NBPF11: variants seen among roughly 807,000 people sequenced by gnomAD.
The protein encoded by NBPF11 is NBPF family member NBPF11.
A neutral mutation model predicts 93.9 loss-of-function variants in NBPF11; 72 were observed. The observed-to-expected ratio is 0.77, with a 90% CI of 0.63 to 0.93. The LOEUF is 0.93. Among genes scored for constraint, NBPF11 ranks in the 40% least tolerant of loss-of-function variants. The probability of loss-of-function intolerance (pLI) is 0.00; values close to 1 mark genes in which losing one functional copy is unlikely to be tolerated. For synonymous variants in NBPF11, 224 were observed against 304.9 expected (o/e 0.73, Z 2.76); for missense variants, 705 against 802.2 (o/e 0.88, Z 1.46).
rs1369547147 is a variant in NBPF11 at position 148,108,608 on chromosome 1, C to T, written c.1900G>A (p.Asp634Asn). The T allele has an allele frequency of 4.6e-6, 7 of 1,511,154 alleles. No individual in the cohort carries two copies. In the East Asian group the frequency reaches 6.8e-5, roughly 15 times the overall value. 93.6% of individuals were successfully genotyped at this position (1,511,154 alleles called of 1,614,324 possible). A position where few individuals can be genotyped will look rare whatever the true frequency, so the allele number is the denominator to read the frequency against. The change falls in exon 18 of 24, where the codon GAC (aspartate) becomes AAC (asparagine). Residue 634 changes from aspartate to asparagine, a missense_variant. By Grantham distance (23) the Asp-to-Asn change is conservative. Transcript: ENST00000682118. ...GTTGAATAACATCTATCCAGTGAGT[C>T]CTGCAAGACTTCAGGCTCTTTCTCA... ...LDEKEPEVLQ[D>N]SLDRCYSTPS... is the part of the protein sequence containing the mutation.
intron 7 of NBPF11, 95 bp from the exon 8 acceptor site, chr1:148,122,896 G>A (rs1668208731): frequency 1.2e-6 from 2 of 1,601,618 alleles, no homozygotes; most frequent in Non-Finnish European, 8.5e-7. Flanking sequence ...ATCTATGTAT[G>A]GTTCAGCATT....
chr1:148,119,604 A>T (rs1667358709), intron 10 of NBPF11, among the ~76,000 whole-genome samples: 1 of 151,814 alleles, frequency 6.6e-6, no homozygotes, highest in Non-Finnish European at 1.5e-5. Context: ...TGCCCCAGGA[A>T]GCAGGACTTC....
chr1:148,112,862 G>A (rs1293874323), intron 15 of NBPF11, among the ~76,000 whole-genome samples: 1 of 150,730 alleles, frequency 6.6e-6, no homozygotes, highest in South Asian at 2.1e-4. Flanking sequence ...TTCATATCCA[G>A]CCAAACAAAG....
intron 4 of NBPF11, among the ~76,000 whole-genome samples, chr1:148,131,158 A>T (rs1246875513): frequency 1.4e-5 from 2 of 147,550 alleles, no homozygotes; most frequent in African/African-American, 5.2e-5. Flanking sequence ...AAATATTAAG[A>T]GGAAAAAAAA....
Position 148,136,975 on chromosome 1 carries a change from G to A in NBPF11, c.-178+736C>T, listed in dbSNP as rs1391443374. 3.3e-5 allele frequency among the ~76,000 whole-genome samples: 5 copies of A among 151,824 alleles called. No individual in the cohort carries two copies. The East Asian group carries it at 9.7e-4, about 29-fold the overall frequency. On this transcript the variant is annotated intron_variant, in intron 3 of 23. Coordinates refer to ENST00000682118, the MANE Select transcript of NBPF11 (RefSeq NM_001385469.3). ...GACATGAAATCTGGAAACCTCAGGG[G>A]AGAGGGTAAATGCACTTTGCAGATG...
At chr1:148,125,295 T>C (rs1668846264) in intron 5 of NBPF11, among the ~76,000 whole-genome samples, 1 of 151,894 alleles carries the variant, frequency 6.6e-6, no homozygotes, top group Non-Finnish European at 1.5e-5. Flanking sequence ...TGACTCTGAA[T>C]GCGGGGCCAC....
At chr1:148,125,484 G>A (rs1368261880) in intron 5 of NBPF11, among the ~76,000 whole-genome samples, 1 of 152,000 alleles carries the variant, frequency 6.6e-6, no homozygotes, top group South Asian at 2.1e-4. Context: ...TCAATATTCA[G>A]ATATGGTTTT....
rs1662810453 is a variant in NBPF11, at chr1:148,103,663, G to A, written c.*233C>T. 6.2e-7 allele frequency: 1 copy of A among 1,611,044 alleles called. No individual in the cohort carries two copies. The highest frequency in any genetic ancestry group is 8.5e-7 in the Non-Finnish European group (1 of 1,179,258). On this transcript the variant is annotated 3_prime_UTR_variant, in exon 24 of 24. Transcript: ENST00000682118. ...GAATGACACCTCTCGGCTTAGTAAG[G>A]GCTGCTTATTGTGGGAATATGACTC...
Position 148,103,717 on chromosome 1 carries a change from C to T in NBPF11, c.*179G>A. 1.2e-6 allele frequency: 2 copies of T among 1,611,398 alleles called. No individual in the cohort carries two copies. The highest frequency in any genetic ancestry group is 1.1e-5 in the South Asian group (1 of 90,988). On this transcript the variant is annotated 3_prime_UTR_variant, in exon 24 of 24. Transcript: ENST00000682118. ...TCTGGAAGACCAGGTGGAGACTTCT[C>T]ACCGTCAAAGTAAAAAACCTATTGT...
At position 148,146,929 on chromosome 1, in the gene NBPF11, C is replaced by T. The variant is rs1343865321; in HGVS notation, c.-548-3243G>A. 8.7e-5 allele frequency: 139 copies of T among 1,603,686 alleles called. No homozygotes were observed. The Middle Eastern group carries it at 1.8e-3, about 21-fold the overall frequency. On this transcript the variant is annotated intron_variant, in intron 1 of 23. Transcript: ENST00000682118. Reference sequence around the variant, plus strand: ...GCAGGCCCTGCGCACCAGGTGAGGGCGACCCTGGGGGCAGCTCAGCCTGGG... The same window carrying T: ...GCAGGCCCTGCGCACCAGGTGAGGGTGACCCTGGGGGCAGCTCAGCCTGGG...
chr1:148,125,127 G>T, intron 5 of NBPF11, 126 bp from the exon 6 acceptor site: 3 of 773,512 alleles, frequency 3.9e-6, no homozygotes, highest in Non-Finnish European at 6.4e-6. Flanking sequence ...GTCTAGACAG[G>T]GATTTCCACA....
chr1:148,123,781 G>C (rs28414977), intron 7 of NBPF11, 72 bp downstream of exon 7: 112 of 1,603,018 alleles, frequency 7.0e-5, no homozygotes, highest in Non-Finnish European at 9.0e-5. Context: ...AACTGTCATT[G>C]TGAAAGTATG....
At chr1:148,135,937 G>A in intron 3 of NBPF11, 124 bp from the exon 4 acceptor site, 1 of 699,866 alleles carries the variant, frequency 1.4e-6, no homozygotes, top group Admixed American at 2.2e-5. Context: ...AGCTCATACT[G>A]GTCACAGGAT....
Position 148,122,153 on chromosome 1 carries a change from A to T in NBPF11, c.680T>A (p.Ile227Asn). 1 of 1,613,162 alleles carries T rather than the reference A, an allele frequency of 6.2e-7. No homozygotes were observed. Among genetic ancestry groups the T allele is most frequent in the South Asian group, 1.1e-5 (1 of 91,048 alleles). Residue 227 changes from isoleucine (I) to asparagine (N), a missense_variant, in exon 9 of 24, where the codon ATC (isoleucine) becomes AAC (asparagine). Coordinates refer to ENST00000682118, the MANE Select transcript of NBPF11 (RefSeq NM_001385469.3). ...PCDSIQPHKN[I>N]KITFEEDKVN... is the part of the protein sequence containing the mutation. The stretch of plus-strand genomic sequence containing the variant: ...TTTGTCTTCCTCAAATGTGATTTTG[A>T]TGTTCTTGTGAGGCTGGATGGAGTC...
chr1:148,131,475 G>A (rs1211766722), intron 4 of NBPF11, among the ~76,000 whole-genome samples: 2 of 151,574 alleles, frequency 1.3e-5, no homozygotes, highest in East Asian at 3.9e-4. Context: ...TCCAGAGGAA[G>A]GTCTTTAGGA....
chr1:148,105,969 T>C (rs1301288517), intron 21 of NBPF11, among the ~76,000 whole-genome samples: 7 of 145,446 alleles, frequency 4.8e-5, no homozygotes, highest in African/African-American at 1.9e-4. Context: ...TTTTGAAGTC[T>C]GGTCCACCTG....
intron 4 of NBPF11, among the ~76,000 whole-genome samples, chr1:148,131,958 A>G (rs1347315444): frequency 1.7e-5 from 2 of 115,318 alleles, no homozygotes; most frequent in Non-Finnish European, 3.5e-5. Flanking sequence ...ATTCTTATGG[A>G]TATGTACTGG....
rs1662817108 is a variant in NBPF11 at position 148,103,688 on chromosome 1, C to T, written c.*208G>A. On this transcript the variant is annotated 3_prime_UTR_variant, in exon 24 of 24. Coordinates refer to ENST00000682118, the MANE Select transcript of NBPF11 (RefSeq NM_001385469.3). The stretch of plus-strand genomic sequence containing the variant: ...GGCTGCTTATTGTGGGAATATGACT[C>T]CCATCTGGAAGACCAGGTGGAGACT... 5.6e-6 allele frequency: 9 copies of T among 1,611,278 alleles called. No homozygotes were observed. Among genetic ancestry groups the T allele is most frequent in the Admixed American group, 1.7e-5 (1 of 60,010 alleles).
chr1:148,120,856 T>G, intron 9 of NBPF11, 146 bp from the exon 10 acceptor site: 1 of 711,282 alleles, frequency 1.4e-6, no homozygotes. Flanking sequence ...ATCTCCAGTC[T>G]TGATCTCCTT....
Sources: allele counts gnomAD v4.1 joint callset (sites outside exome capture counted in the v4.1 genomes callset), GRCh38; gene constraint gnomAD v4.1.1; transcripts MANE v1.5; gene names NCBI Gene and HGNC (gene_info 2026-07-23, HGNC 2026-07-21).